CALM2: variants seen among roughly 807,000 people sequenced by gnomAD.
CALM2 encodes the protein calmodulin 2.
In CALM2, 2 loss-of-function variants were observed where a neutral mutation model predicts 19.8. The observed-to-expected ratio is 0.10, with a 90% confidence interval of 0.04 to 0.32. The LOEUF is 0.32. Among genes scored for constraint, CALM2 ranks in the 10% least tolerant of loss-of-function variants. The probability of loss-of-function intolerance (pLI) is 1.00; values close to 1 mark genes in which losing one functional copy is unlikely to be tolerated. For synonymous variants in CALM2, 51 were observed against 52.1 expected (o/e 0.98, Z 0.09); for missense variants, 38 against 178.7 (o/e 0.21, Z 4.49).
chr2:47,171,645 ACTTT>A (rs1371369186), intron 1 of CALM2: 1 of 152,158 alleles, frequency 6.6e-6, no homozygotes, highest in Non-Finnish European at 1.5e-5. Flanking sequence ...TTGAACATGC[ACTTT>A]CTTTCACTGC....
chr2:47,164,586 G>C (rs1666395578), intron 2 of CALM2, among the ~76,000 whole-genome samples: 1 of 144,902 alleles, frequency 6.9e-6, no homozygotes, highest in Non-Finnish European at 1.5e-5. Flanking sequence ...AACAGAGTGA[G>C]ACTTGTCTCA....
chr2:47,162,171 CAAAAAAAAAAAAA>C (rs56839340), intron 4 of CALM2, 102 bp downstream of exon 4: 215 of 130,076 alleles, frequency 1.7e-3, no homozygotes, highest in East Asian at 4.3e-3. Flanking sequence ...GGTAAATCAT[CAAAAAAAAAAAAA>C]AAAAAAAAAA....
chr2:47,173,634 TTATC>T (rs1220931343), intron 1 of CALM2: 1 of 152,224 alleles, frequency 6.6e-6, no homozygotes, highest in Non-Finnish European at 1.5e-5. Context: ...CTGTTGGAGT[TTATC>T]TAGTGAAAGG....
chr2:47,172,313 G>A (rs1401365081), intron 1 of CALM2: 4 of 398,498 alleles, frequency 1.0e-5, no homozygotes, highest in African/African-American at 2.1e-5. Context: ...TGAGTCACAG[G>A]CCAGTATCCC....
chr2:47,165,061 A>G lies in CALM2; in HGVS notation c.35-2399T>C, dbSNP rs147689150. Among the ~76,000 whole-genome samples, 1,155 of 152,280 alleles carry G rather than the reference A, an allele frequency of 7.6e-3. 4 individuals are homozygous for G. The highest frequency in any genetic ancestry group is 0.013 in the Non-Finnish European group (902 of 68,016). On this transcript the variant is annotated intron_variant, in intron 2 of 5. Transcript: ENST00000272298. Reference sequence around the variant, plus strand: ...CCCTCCCCAAATTTTGGAAGGCACTACTACTCATACCAATTTCCTCTCTCC... The same window carrying G: ...CCCTCCCCAAATTTTGGAAGGCACTGCTACTCATACCAATTTCCTCTCTCC...
chr2:47,172,674 A>G (rs1666708821), intron 1 of CALM2: 2 of 316,982 alleles, frequency 6.3e-6, no homozygotes, highest in African/African-American at 2.2e-5. Flanking sequence ...CCAGCGACAG[A>G]TGCAGCGGAC....
chr2:47,172,371 TCTCA>T, intron 1 of CALM2: 1 of 521,224 alleles, frequency 1.9e-6, no homozygotes, highest in Non-Finnish European at 3.6e-6. Flanking sequence ...GTACTCCTCC[TCTCA>T]GTCAACTTCA....
At chr2:47,168,798 G>C (rs1324713706) in intron 2 of CALM2, among the ~76,000 whole-genome samples, 9 of 133,058 alleles carry the variant, frequency 6.8e-5, no homozygotes, top group African/African-American at 2.0e-4. Flanking sequence ...TTTTTTTTGA[G>C]GCAAAGTCTC....
chr2:47,161,651 C>T, intron 5 of CALM2, 72 bp downstream of exon 5: 2 of 1,406,346 alleles, frequency 1.4e-6, no homozygotes, highest in Non-Finnish European at 9.7e-7. Context: ...TAATTTCGAT[C>T]AGTTCCCTAA....
Position 47,176,471 on chromosome 2 carries a change from G to A in CALM2, c.-28C>T, listed in dbSNP as rs1380779429. 2.2e-5 allele frequency: 36 copies of A among 1,613,482 alleles called. No individual in the cohort carries two copies. Among genetic ancestry groups the A allele is most frequent in the Non-Finnish European group, 3.0e-5 (35 of 1,179,964 alleles). On this transcript the variant is annotated 5_prime_UTR_variant, in exon 1 of 6. Coordinates refer to ENST00000272298, the MANE Select transcript of CALM2 (RefSeq NM_001743.6). ...TGCAAGCGCTACCGGTTTCCGAGAC[G>A]CGACCACACAACCACTCAGCTCGCT...
At chr2:47,166,921 A>C (rs934922685) in intron 2 of CALM2, among the ~76,000 whole-genome samples, 11 of 152,208 alleles carry the variant, frequency 7.2e-5, no homozygotes, top group Admixed American at 5.9e-4. Flanking sequence ...AAACTTTCAG[A>C]AAAATCTATT....
At chr2:47,169,943 A>C (rs1426970341) in intron 2 of CALM2, among the ~76,000 whole-genome samples, 2 of 145,180 alleles carry the variant, frequency 1.4e-5, no homozygotes, top group African/African-American at 2.6e-5. Context: ...AATAGTTTGC[A>C]AAGCATTTCA....
rs113328454 is a variant in CALM2, at chr2:47,169,322, T to C, written c.34+1412A>G. 1.6e-3 allele frequency among the ~76,000 whole-genome samples: 247 copies of C among 152,170 alleles called. 2 individuals carry two copies. Among genetic ancestry groups the C allele is most frequent in the African/African-American group, 5.8e-3 (239 of 41,508 alleles). ...AAAAAAACTACTTCAGAAAAACATT[T>C]TGACGATACATTTACTTTGTAGAGA... On this transcript the variant is annotated intron_variant, in intron 2 of 5. Transcript: ENST00000272298.
chr2:47,176,794 C>T (rs1666888674), upstream of CALM2: 1 of 985,444 alleles, frequency 1.0e-6, no homozygotes, highest in East Asian at 1.1e-4. Context: ...AGCATCGTGG[C>T]GGCGATGCGT....
At chr2:47,175,299 T>C (rs1290277602) in intron 1 of CALM2, among the ~76,000 whole-genome samples, 1 of 152,086 alleles carries the variant, frequency 6.6e-6, no homozygotes. Context: ...AGCAATGTTT[T>C]TATGTGGTCG....
chr2:47,161,948 T>A (rs757451233), intron 4 of CALM2, 90 bp from the exon 5 acceptor site: 2 of 1,079,532 alleles, frequency 1.9e-6, no homozygotes, highest in Admixed American at 2.2e-5. Context: ...AAATTTCACA[T>A]TGGGGGAAAA....
chr2:47,176,347 A>C (rs1290939318), intron 1 of CALM2, 94 bp downstream of exon 1: 1 of 1,469,094 alleles, frequency 6.8e-7, no homozygotes, highest in Non-Finnish European at 9.3e-7. Context: ...CACTCCTTGA[A>C]GGTGTAAGGG....
In CALM2 at chr2:47,161,735, C is replaced by T; in HGVS notation, c.409G>A (p.Val137Ile). 6.2e-7 allele frequency: 1 copy of T among 1,611,042 alleles called. No homozygotes were observed. Residue 137 changes from valine to isoleucine, a missense_variant, in exon 5 of 6, where the codon GTA becomes ATA. Val to Ile is a conservative substitution (Grantham distance 29). Transcript: ENST00000272298. ...READIDGDGQ[V>I]NYEEFVQMMT... Reference sequence around the variant, plus strand: ...CTGAAACATTTACCTTCATAGTTTACTTGACCATCACCATCAATATCTGCT... The same window carrying T: ...CTGAAACATTTACCTTCATAGTTTATTTGACCATCACCATCAATATCTGCT...
intron 1 of CALM2, chr2:47,171,554 C>G (rs1666668784): frequency 6.6e-6 from 1 of 152,044 alleles, no homozygotes; most frequent in Non-Finnish European, 1.5e-5. Context: ...TCAGACATAC[C>G]CAGTAACTTT....
Sources: gnomAD v4.1 joint callset for allele counts (sites outside exome capture counted in the v4.1 genomes callset) on GRCh38, gnomAD v4.1.1 for gene constraint, MANE v1.5 for transcripts, NCBI Gene and HGNC (gene_info 2026-07-23, HGNC 2026-07-21) for gene names.